The following DBX2 variants were observed in gnomAD, a reference collection of about 807,000 sequenced individuals.
DBX2 encodes homeobox protein DBX2.
DBX2 carries 16 observed loss-of-function variants against 17.7 expected under a neutral mutation model. The observed-to-expected ratio is 0.90, with a 90% CI of 0.61 to 1.37. The LOEUF (loss-of-function observed/expected upper bound fraction) is 1.37, where lower values mean the gene tolerates loss of function less well. Among genes scored for constraint, DBX2 ranks in the 40% most tolerant of loss-of-function variants. The pLI is 0.00. For synonymous variants in DBX2, 255 were observed against 183.8 expected (o/e 1.39, Z -3.13); for missense variants, 538 against 433.8 (o/e 1.24, Z -2.13).
At position 45,039,277 on chromosome 12, in the gene DBX2, GTATATATATATATATA is replaced by G. The variant is rs58371508; in HGVS notation, c.404-3179_404-3164del. Among the ~76,000 whole-genome samples, 518 of 90,304 alleles carry G rather than the reference GTATATATATATATATA, an allele frequency of 5.7e-3. 3 individuals are homozygous for G. Among genetic ancestry groups the G allele is most frequent in the African/African-American group, 0.016 (422 of 26,010 alleles). 59.2% of individuals were successfully genotyped at this position (90,304 alleles called of 152,430 possible). ...TTTAAAACAATGCACTGCATTGAAG[GTATATATATATATATA>G]TATATATATATATATATATATATAT... On this transcript the variant is annotated intron_variant, in intron 1 of 3. Transcript: ENST00000332700.
At chr12:45,019,374 C>T (rs1445966812) in intron 3 of DBX2, among the ~76,000 whole-genome samples, 2 of 152,056 alleles carry the variant, frequency 1.3e-5, no homozygotes, top group Non-Finnish European at 2.9e-5. Context: ...AAGCCCCTCA[C>T]GTTCTGGTAG....
At chr12:45,031,211 TGTGTGTGTGTGTGTGAGAGAGA>T in intron 2 of DBX2, among the ~76,000 whole-genome samples, 1 of 90,538 alleles carries the variant, frequency 1.1e-5, no homozygotes, top group East Asian at 5.6e-4. Context: ...TGTGTGTGTG[TGTGTGTGTGTGTGTGAGAGAGA>T]GAGAGAGAGA....
In DBX2 at chr12:45,045,716, A is replaced by AG. The variant is rs542741675; in HGVS notation, c.403+4808_403+4809insC. Among the ~76,000 whole-genome samples the AG allele has an allele frequency of 6.1e-3, 934 of 151,926 alleles. 7 individuals are homozygous for AG. The highest frequency in any genetic ancestry group is 7.3e-3 in the Non-Finnish European group (496 of 67,912). On this transcript the variant is annotated intron_variant, in intron 1 of 3. Coordinates refer to ENST00000332700, the MANE Select transcript of DBX2 (RefSeq NM_001004329.3). ...CCCTTGGCAATCCCTTTGTTTTTTT[A>AG]TTTGTTTGTTTGTTTGTTTTTTAGA...
intron 2 of DBX2, among the ~76,000 whole-genome samples, chr12:45,035,401 G>C (rs1946434510): frequency 6.6e-6 from 1 of 152,294 alleles, no homozygotes; most frequent in African/African-American, 2.4e-5. Flanking sequence ...TCCTTTGAGT[G>C]TGAGAGTGTG....
intron 1 of DBX2, among the ~76,000 whole-genome samples, chr12:45,047,109 A>G (rs1024505505): frequency 2.0e-5 from 3 of 152,312 alleles, no homozygotes; most frequent in South Asian, 4.1e-4. Flanking sequence ...ATAACCACCA[A>G]TTGGAAAACT....
chr12:45,024,281 G>A (rs113092590), intron 2 of DBX2, among the ~76,000 whole-genome samples: 1,734 of 152,250 alleles, frequency 0.011, 33 homozygotes, highest in African/African-American at 0.038. Flanking sequence ...CTTCTCCCAC[G>A]ATTGTCAGTT....
At chr12:45,048,627 A>AAT (rs1592761297) in intron 1 of DBX2, among the ~76,000 whole-genome samples, 1 of 152,358 alleles carries the variant, frequency 6.6e-6, no homozygotes, top group East Asian at 1.9e-4. Context: ...CAATTATAAA[A>AAT]ATAAATCAAT....
chr12:45,029,757 G>A (rs558244418), intron 2 of DBX2, among the ~76,000 whole-genome samples: 1 of 152,016 alleles, frequency 6.6e-6, no homozygotes, highest in African/African-American at 2.4e-5. Context: ...CAGCTACTCA[G>A]GAGGCTGAAG....
chr12:45,024,834 T>C (rs754483161), intron 2 of DBX2, among the ~76,000 whole-genome samples: 1 of 152,152 alleles, frequency 6.6e-6, no homozygotes, highest in Admixed American at 6.5e-5. Flanking sequence ...AAGTCAGAGA[T>C]GTTTAATCTG....
chr12:45,043,707 C>T (rs578090227), intron 1 of DBX2, among the ~76,000 whole-genome samples: 1 of 152,286 alleles, frequency 6.6e-6, no homozygotes, highest in African/African-American at 2.4e-5. Context: ...AGTCAGCCCA[C>T]AAAACTGTAA....
chr12:45,025,126 ATAGAT>A (rs1304181269), intron 2 of DBX2, among the ~76,000 whole-genome samples: 1 of 152,234 alleles, frequency 6.6e-6, no homozygotes, highest in Non-Finnish European at 1.5e-5. Flanking sequence ...AAGGTTGCAA[ATAGAT>A]TAAAGTTGCT....
intron 2 of DBX2, among the ~76,000 whole-genome samples, chr12:45,034,347 T>C (rs2137026069): frequency 6.6e-6 from 1 of 152,296 alleles, no homozygotes; most frequent in Middle Eastern, 3.4e-3. Flanking sequence ...TGATACGGTA[T>C]CAGATATTTG....
chr12:45,049,741 G>A (rs756250389), intron 1 of DBX2, among the ~76,000 whole-genome samples: 1 of 151,756 alleles, frequency 6.6e-6, no homozygotes, highest in East Asian at 1.9e-4. Context: ...GACAATTTCA[G>A]GAAGCCCTAC....
At chr12:45,038,183 C>T (rs1592756943) in intron 1 of DBX2, among the ~76,000 whole-genome samples, 1 of 151,542 alleles carries the variant, frequency 6.6e-6, no homozygotes, top group African/African-American at 2.4e-5. Context: ...TAAAAGTTGC[C>T]TAATTATGTT....
chr12:45,020,584 G>T (rs980455753), intron 3 of DBX2, among the ~76,000 whole-genome samples: 9 of 151,542 alleles, frequency 5.9e-5, no homozygotes, highest in African/African-American at 2.2e-4. Context: ...TCTGTGAGCT[G>T]GATATACAGG....
chr12:45,020,020 T>C (rs1946343512), intron 3 of DBX2, among the ~76,000 whole-genome samples: 1 of 152,196 alleles, frequency 6.6e-6, no homozygotes, highest in South Asian at 2.1e-4. Context: ...TGAATACTTT[T>C]TTAAATTTGT....
At chr12:45,049,343 C>T (rs1391473634) in intron 1 of DBX2, among the ~76,000 whole-genome samples, 11 of 152,168 alleles carry the variant, frequency 7.2e-5, no homozygotes, top group African/African-American at 2.7e-4. Context: ...AACAGAGAGG[C>T]CCAAATTTCC....
intron 3 of DBX2, among the ~76,000 whole-genome samples, chr12:45,021,580 A>G (rs745332056): frequency 2.0e-4 from 31 of 152,078 alleles, no homozygotes; most frequent in Non-Finnish European, 1.2e-4. Context: ...CAAACTCCTA[A>G]ACCTGCCTGT....
intron 1 of DBX2, among the ~76,000 whole-genome samples, chr12:45,039,943 T>C (rs928819383): frequency 6.6e-6 from 1 of 152,058 alleles, no homozygotes; most frequent in Non-Finnish European, 1.5e-5. Context: ...CAGCATGACG[T>C]CAGGTTGTAT....
Sources: gnomAD v4.1 joint callset for allele counts (sites outside exome capture counted in the v4.1 genomes callset) on GRCh38, gnomAD v4.1.1 for gene constraint, MANE v1.5 for transcripts, NCBI Gene and HGNC (gene_info 2026-07-23, HGNC 2026-07-21) for gene names.